The following SZRD1 variants were observed in gnomAD, a reference collection of about 807,000 sequenced individuals.
SZRD1 encodes the protein SUZ RNA-binding domain-containing.
SZRD1 carries 7 observed loss-of-function variants against 17.6 expected under a neutral mutation model. The ratio of observed to expected loss-of-function variants is 0.40; its 90% confidence interval spans 0.23 to 0.75. The LOEUF (loss-of-function observed/expected upper bound fraction) is 0.75. SZRD1 is among the 30% of genes least tolerant of loss of function. SZRD1 has a pLI of 0.38. For missense variants in SZRD1, 178 were observed against 201.8 expected, an observed-to-expected ratio of 0.88 and a Z score of 0.71; for synonymous variants, 77 against 77.9, an observed-to-expected ratio of 0.99 and a Z score of 0.06.
intron 1 of SZRD1, among the ~76,000 whole-genome samples, chr1:16,383,363 G>C (rs1363631980): frequency 6.6e-6 from 1 of 151,888 alleles, no homozygotes. Flanking sequence ...TGGGACTACA[G>C]GTGTGTGCCA....
At chr1:16,381,568 A>AG (rs1208854451) in intron 1 of SZRD1, among the ~76,000 whole-genome samples, 1 of 150,916 alleles carries the variant, frequency 6.6e-6, no homozygotes, top group East Asian at 2.0e-4. Context: ...AAAAAAAAAA[A>AG]AAAGATCAGA....
chr1:16,387,836 G>A (rs1277505460), intron 1 of SZRD1: 1 of 375,882 alleles, frequency 2.7e-6, no homozygotes, highest in Non-Finnish European at 5.2e-6. Context: ...TACTTACTCA[G>A]GTAATAACAC....
At chr1:16,387,729 A>G in intron 1 of SZRD1, 1 of 456,472 alleles carries the variant, frequency 2.2e-6, no homozygotes, top group African/African-American at 2.0e-5. Flanking sequence ...TTGTATTTAG[A>G]GTGGAGCGAA....
chr1:16,377,692 C>T (rs1248260996), intron 1 of SZRD1, among the ~76,000 whole-genome samples: 1 of 152,076 alleles, frequency 6.6e-6, no homozygotes, highest in Non-Finnish European at 1.5e-5. Context: ...GGACAAATCA[C>T]TACCTACCCT....
Position 16,395,577 on chromosome 1 carries a change from A to T in SZRD1, c.*437A>T, listed in dbSNP as rs2100758654. 1 of 165,146 alleles carries T rather than the reference A, an allele frequency of 6.1e-6. No homozygotes were observed. Among genetic ancestry groups the T allele is most frequent in the Non-Finnish European group, 1.3e-5 (1 of 74,922 alleles). 10.2% of individuals were successfully genotyped at this position (165,146 alleles called of 1,614,324 possible). Reference sequence around the variant, plus strand: ...CAAGTGCATGTCTCCATCACTTAAAAAGTAAGTTCCATTTGAAAATATCCT... The same window carrying T: ...CAAGTGCATGTCTCCATCACTTAAATAGTAAGTTCCATTTGAAAATATCCT... On this transcript the variant is annotated 3_prime_UTR_variant, in exon 4 of 4. Coordinates refer to ENST00000401088, the MANE Select transcript of SZRD1 (RefSeq NM_001114600.3).
At chr1:16,390,236 TTGTTC>T (rs1384894282) in intron 1 of SZRD1, among the ~76,000 whole-genome samples, 3 of 152,180 alleles carry the variant, frequency 2.0e-5, no homozygotes, top group African/African-American at 7.2e-5. Context: ...GGTTTGGTCT[TTGTTC>T]TGTGCACGGC....
chr1:16,395,797 A>T lies in SZRD1; in HGVS notation c.*657A>T, dbSNP rs577706044. 1.3e-5 allele frequency: 2 copies of T among 154,750 alleles called. No individual in the cohort carries two copies. Among genetic ancestry groups the T allele is most frequent in the African/African-American group, 4.8e-5 (2 of 41,450 alleles). The allele number at this position is 154,750 out of a possible 1,614,324, so 9.6% of individuals were successfully genotyped here. On this transcript the variant is annotated 3_prime_UTR_variant, in exon 4 of 4. Transcript: ENST00000401088. ...GGATTTTGGTGAGCTTAGCTTCTGTATTCCTACTGCCGCCCAGAAAAGGGG... is the reference window on the plus strand; with the variant it reads ...GGATTTTGGTGAGCTTAGCTTCTGTTTTCCTACTGCCGCCCAGAAAAGGGG...
intron 3 of SZRD1, among the ~76,000 whole-genome samples, chr1:16,394,721 G>A (rs957555821): frequency 1.3e-5 from 2 of 152,114 alleles, no homozygotes; most frequent in Non-Finnish European, 2.9e-5. Context: ...TTGAGAGGCC[G>A]AGGTGGACGG....
At chr1:16,379,919 C>T (rs1448733666) in intron 1 of SZRD1, among the ~76,000 whole-genome samples, 2 of 152,098 alleles carry the variant, frequency 1.3e-5, no homozygotes, top group African/African-American at 2.4e-5. Context: ...AGCCACCACA[C>T]CCCGCTAATT....
chr1:16,374,258 A>G (rs2082961664), intron 1 of SZRD1, among the ~76,000 whole-genome samples: 1 of 152,198 alleles, frequency 6.6e-6, no homozygotes, highest in South Asian at 2.1e-4. Flanking sequence ...GTTGAGCCTT[A>G]TGGACTGTGA....
intron 1 of SZRD1, among the ~76,000 whole-genome samples, chr1:16,372,282 G>A (rs991341682): frequency 4.6e-5 from 7 of 152,114 alleles, no homozygotes; most frequent in Non-Finnish European, 7.4e-5. Flanking sequence ...AGACCAGCGT[G>A]GCCAACATGG....
intron 1 of SZRD1, among the ~76,000 whole-genome samples, chr1:16,384,080 A>AG (rs1054562116): frequency 6.0e-4 from 92 of 152,292 alleles, no homozygotes; most frequent in African/African-American, 2.2e-3. Context: ...GGGATTAGTC[A>AG]GGGGAAGTAG....
intron 1 of SZRD1, among the ~76,000 whole-genome samples, chr1:16,388,814 A>G (rs866908791): frequency 3.2e-4 from 48 of 150,082 alleles, no homozygotes; most frequent in African/African-American, 1.1e-3. Context: ...CGCCTGGATA[A>G]TTGTTGAATT....
At chr1:16,386,865 A>G (rs1037676159) in intron 1 of SZRD1, among the ~76,000 whole-genome samples, 8 of 152,042 alleles carry the variant, frequency 5.3e-5, no homozygotes, top group Non-Finnish European at 1.2e-4. Flanking sequence ...GGAGATGACC[A>G]ATATCTAATG....
At chr1:16,389,080 CTTTTTTTTTTTTT>C (rs779460255) in intron 1 of SZRD1, among the ~76,000 whole-genome samples, 1 of 114,898 alleles carries the variant, frequency 8.7e-6, no homozygotes, top group African/African-American at 3.3e-5. Context: ...TAGTTATTTC[CTTTTTTTTTTTTT>C]TTTTTTTTGA....
intron 1 of SZRD1, among the ~76,000 whole-genome samples, chr1:16,369,899 C>CAAAAAAAAAAAAAAAAAAA (rs767599484): frequency 7.3e-6 from 1 of 136,252 alleles, no homozygotes. Flanking sequence ...AAAAAAAAAA[C>CAAAAAAAAAAAAAAAAAAA]AAAAAAAAAA....
chr1:16,383,808 T>C (rs1325584054), intron 1 of SZRD1, among the ~76,000 whole-genome samples: 3 of 151,770 alleles, frequency 2.0e-5, no homozygotes, highest in South Asian at 2.1e-4. Flanking sequence ...TTAGTAGAGA[T>C]AGGGTTTCAC....
intron 1 of SZRD1, chr1:16,390,467 G>T (rs1331359704): frequency 6.6e-6 from 1 of 152,208 alleles, no homozygotes; most frequent in African/African-American, 2.4e-5. Flanking sequence ...TAAAATGGTG[G>T]TGTTGTTTTA....
At position 16,395,355 on chromosome 1, in the gene SZRD1, G is replaced by C; in HGVS notation, c.*215G>C. On this transcript the variant is annotated 3_prime_UTR_variant, in exon 4 of 4. Transcript: ENST00000401088. Reference sequence around the variant, plus strand: ...CCCTTCCCACTGTGATTGGCACATCGACAAGGGCTGTCCCAAGTCAATGGA... The same window carrying C: ...CCCTTCCCACTGTGATTGGCACATCCACAAGGGCTGTCCCAAGTCAATGGA... 4 of 585,080 alleles carry C rather than the reference G, an allele frequency of 6.8e-6. No homozygotes were observed. 36.2% of individuals were successfully genotyped at this position (585,080 alleles called of 1,614,324 possible).
Sources: gnomAD v4.1 joint callset for allele counts (sites outside exome capture counted in the v4.1 genomes callset) on GRCh38, gnomAD v4.1.1 for gene constraint, MANE v1.5 for transcripts, NCBI Gene and HGNC (gene_info 2026-07-23, HGNC 2026-07-21) for gene names.